The following CDK6 variants were observed in gnomAD, a reference collection of about 807,000 sequenced individuals.
CDK6 encodes the protein cyclin-dependent kinase 6.
A neutral mutation model predicts 37.1 loss-of-function variants in CDK6; 6 were observed. The ratio of observed to expected loss-of-function variants is 0.16; its 90% CI spans 0.09 to 0.32. The LOEUF is 0.32. Ranked by LOEUF, CDK6 falls within the 10% of genes least tolerant of loss-of-function variation. The pLI is 1.00. For synonymous variants in CDK6, 160 were observed against 161.3 expected (o/e 0.99, Z 0.06); for missense variants, 224 against 418.9 (o/e 0.53, Z 4.06).
At chr7:92,816,078 G>C (rs993520062) in intron 2 of CDK6, among the ~76,000 whole-genome samples, 3 of 152,098 alleles carry the variant, frequency 2.0e-5, no homozygotes, top group Non-Finnish European at 4.4e-5. Context: ...TAACTTTACT[G>C]CCTGCCAGAA....
intron 5 of CDK6, among the ~76,000 whole-genome samples, chr7:92,666,214 C>G (rs987568919): frequency 6.6e-6 from 1 of 152,218 alleles, no homozygotes; most frequent in Admixed American, 6.5e-5. Context: ...TCTTCCCTCT[C>G]CAAAAACAGA....
intron 3 of CDK6, among the ~76,000 whole-genome samples, chr7:92,752,600 A>C (rs541012199): frequency 2.6e-5 from 4 of 152,210 alleles, no homozygotes; most frequent in Non-Finnish European, 5.9e-5. Flanking sequence ...TTTAAACGTA[A>C]GTGTTTTCAA....
At chr7:92,828,061 CTT>C (rs1252758777) in intron 2 of CDK6, among the ~76,000 whole-genome samples, 4 of 152,164 alleles carry the variant, frequency 2.6e-5, no homozygotes, top group South Asian at 2.1e-4. Flanking sequence ...TCCTACTCCT[CTT>C]TGTCTAAAAT....
intron 5 of CDK6, among the ~76,000 whole-genome samples, chr7:92,630,339 C>T (rs1255483476): frequency 6.7e-6 from 1 of 150,004 alleles, no homozygotes; most frequent in Non-Finnish European, 1.5e-5. Context: ...ATCTCTTGCT[C>T]TCCAATCACA....
chr7:92,634,417 T>C (rs563396286), intron 5 of CDK6, among the ~76,000 whole-genome samples: 6 of 152,290 alleles, frequency 3.9e-5, no homozygotes, highest in Admixed American at 3.9e-4. Flanking sequence ...ACATTATTTT[T>C]ATTACTGTAG....
chr7:92,777,420 A>AT (rs1181852028), intron 2 of CDK6, among the ~76,000 whole-genome samples: 1 of 152,040 alleles, frequency 6.6e-6, no homozygotes, highest in Admixed American at 6.6e-5. Flanking sequence ...CTAATTTTAT[A>AT]TTTTTAGTAG....
At chr7:92,636,562 C>T (rs1283212603) in intron 5 of CDK6, among the ~76,000 whole-genome samples, 1 of 152,072 alleles carries the variant, frequency 6.6e-6, no homozygotes, top group Non-Finnish European at 1.5e-5. Context: ...CCGGCAAAGG[C>T]TTTATGTCAC....
At chr7:92,628,979 G>A (rs370000029) in intron 5 of CDK6, among the ~76,000 whole-genome samples, 68 of 152,124 alleles carry the variant, frequency 4.5e-4, no homozygotes, top group African/African-American at 1.5e-3. Flanking sequence ...GTGTAGCAAA[G>A]GCAAAACGGT....
intron 3 of CDK6, among the ~76,000 whole-genome samples, chr7:92,758,871 C>A (rs199645294): frequency 2.0e-5 from 3 of 152,080 alleles, no homozygotes; most frequent in Admixed American, 2.0e-4. Context: ...AGCTGTATTC[C>A]TAGGTATTTT....
intron 2 of CDK6, among the ~76,000 whole-genome samples, chr7:92,799,451 T>C (rs1344848675): frequency 6.6e-5 from 10 of 152,080 alleles, no homozygotes. Flanking sequence ...CTCTGCCCCC[T>C]TTTTTCTCCT....
rs571001821 is a variant in CDK6, at chr7:92,640,985, A to T, written c.648-17899T>A. 2.6e-5 allele frequency among the ~76,000 whole-genome samples: 4 copies of T among 152,336 alleles called. No individual in the cohort carries two copies. The South Asian group carries it at 8.3e-4, about 32-fold the overall frequency. On this transcript the variant is annotated intron_variant, in intron 5 of 7. Coordinates refer to ENST00000424848, the MANE Select transcript of CDK6 (RefSeq NM_001145306.2). Reference sequence around the variant, plus strand: ...ATTTAAATACAAATAAATAAGATCCAGATATATTTTTATATAAGAAAAGCA... The same window carrying T: ...ATTTAAATACAAATAAATAAGATCCTGATATATTTTTATATAAGAAAAGCA...
chr7:92,784,041 G>A (rs1411105320), intron 2 of CDK6, among the ~76,000 whole-genome samples: 1 of 152,012 alleles, frequency 6.6e-6, no homozygotes, highest in Non-Finnish European at 1.5e-5. Flanking sequence ...GAGTAAGGCT[G>A]TAGCATCACT....
chr7:92,626,699 G>A (rs930045286), intron 5 of CDK6, among the ~76,000 whole-genome samples: 3 of 152,006 alleles, frequency 2.0e-5, no homozygotes, highest in Non-Finnish European at 4.4e-5. Flanking sequence ...GAAATGGCTA[G>A]AGATGCAAAG....
chr7:92,781,817 TA>T (rs1026197176), intron 2 of CDK6, among the ~76,000 whole-genome samples: 1 of 152,208 alleles, frequency 6.6e-6, no homozygotes, highest in Non-Finnish European at 1.5e-5. Flanking sequence ...GAAGAATTTT[TA>T]AAAATATCTA....
chr7:92,630,982 C>G (rs1005913085), intron 5 of CDK6, among the ~76,000 whole-genome samples: 6 of 152,132 alleles, frequency 3.9e-5, no homozygotes, highest in African/African-American at 1.4e-4. Flanking sequence ...CACTCTGCAG[C>G]AGAACTCTGA....
intron 2 of CDK6, among the ~76,000 whole-genome samples, chr7:92,805,153 C>T (rs1342098688): frequency 2.0e-5 from 3 of 152,140 alleles, no homozygotes; most frequent in African/African-American, 4.8e-5. Context: ...AGTAGGCATA[C>T]TAAGAGGGGC....
Position 92,607,421 on chromosome 7 carries a change from AC to A in CDK6, c.*7718del. ...TCTACTATATGCATATTTAATAAAAACAACTACAAAGTCCTTTACTTTAATT... is the reference window on the plus strand; with the variant it reads ...TCTACTATATGCATATTTAATAAAAAAACTACAAAGTCCTTTACTTTAATT... On this transcript the variant is annotated 3_prime_UTR_variant, in exon 8 of 8. Transcript: ENST00000424848. 1 of 233,134 alleles carries A rather than the reference AC, an allele frequency of 4.3e-6. No homozygotes were observed. Among genetic ancestry groups the A allele is most frequent in the Non-Finnish European group, 8.5e-6 (1 of 117,990 alleles). 14.4% of individuals were successfully genotyped at this position (233,134 alleles called of 1,614,324 possible).
chr7:92,781,796 T>C lies in CDK6; in HGVS notation c.234-6965A>G, dbSNP rs192206039. On this transcript the variant is annotated intron_variant, in intron 2 of 7. Transcript: ENST00000424848. ...AATTCTGCTTGAACTAGAGCCAGTA[T>C]TTGGAATCGAGAAGAATTTTTAAAA... is the stretch of plus-strand genomic sequence containing the variant. Among the ~76,000 whole-genome samples, 592 of 152,322 alleles carry C rather than the reference T, an allele frequency of 3.9e-3. 2 individuals carry two copies. The highest frequency in any genetic ancestry group is 5.8e-3 in the Admixed American group (89 of 15,304).
intron 6 of CDK6, among the ~76,000 whole-genome samples, chr7:92,622,643 A>T (rs1430563479): frequency 6.6e-6 from 1 of 152,122 alleles, no homozygotes; most frequent in African/African-American, 2.4e-5. Flanking sequence ...CTGGGTGACC[A>T]AGGATACTCA....
Sources: allele counts gnomAD v4.1 joint callset (sites outside exome capture counted in the v4.1 genomes callset), GRCh38; gene constraint gnomAD v4.1.1; transcripts MANE v1.5; gene names NCBI Gene and HGNC (gene_info 2026-07-23, HGNC 2026-07-21).